Variants in VSTM4 observed in about 807,000 individuals in gnomAD.
The protein encoded by VSTM4 is V-set and transmembrane domain containing 4.
Under a neutral mutation model 36.4 loss-of-function variants are expected in VSTM4, and 20 were observed. That is an observed-to-expected ratio of 0.55 (90% CI 0.39 to 0.80). VSTM4 has a LOEUF of 0.80. VSTM4 is among the 30% of genes least tolerant of loss of function. VSTM4 has a pLI of 0.00. For synonymous variants in VSTM4, 182 were observed against 173.9 expected (o/e 1.05, Z -0.37); for missense variants, 392 against 404.5 (o/e 0.97, Z 0.26).
chr10:49,077,364 G>C (rs754573720), intron 3 of VSTM4, 38 bp from the exon 4 acceptor site: 11 of 1,595,778 alleles, frequency 6.9e-6, no homozygotes, highest in East Asian at 2.2e-5. Flanking sequence ...CAGCCTTCTG[G>C]GGGCCGCAGC....
intron 7 of VSTM4, 50 bp from the exon 8 acceptor site, chr10:49,019,825 C>T (rs1913524): frequency 0.93 from 1,467,677 of 1,580,888 alleles, 683,149 homozygotes; most frequent in East Asian, 0.96. Flanking sequence ...ACCACAGGAG[C>T]TCTACATCAC....
At chr10:49,028,932 A>G (rs565449063) in intron 7 of VSTM4, among the ~76,000 whole-genome samples, 29 of 152,246 alleles carry the variant, frequency 1.9e-4, no homozygotes, top group Non-Finnish European at 2.8e-4. Flanking sequence ...CTATTTACCC[A>G]TGAGAGAATT....
chr10:49,054,099 T>C (rs9804403), intron 5 of VSTM4, among the ~76,000 whole-genome samples: 56,855 of 152,070 alleles, frequency 0.37, 11,885 homozygotes, highest in African/African-American at 0.57. Flanking sequence ...AGAGATCAGG[T>C]CCTTCTCAAA....
chr10:49,051,344 G>A (rs533293364), intron 5 of VSTM4, among the ~76,000 whole-genome samples: 50 of 150,776 alleles, frequency 3.3e-4, no homozygotes, highest in Non-Finnish European at 4.6e-4. Flanking sequence ...TTAGCAATAT[G>A]CAATTACCCT....
At chr10:49,049,597 C>T (rs1270574187) in intron 5 of VSTM4, among the ~76,000 whole-genome samples, 2 of 152,254 alleles carry the variant, frequency 1.3e-5, no homozygotes, top group South Asian at 2.1e-4. Context: ...CTAATACATA[C>T]AGAATTTCTA....
intron 7 of VSTM4, among the ~76,000 whole-genome samples, chr10:49,020,661 G>C (rs972456022): frequency 6.8e-6 from 1 of 147,214 alleles, no homozygotes; most frequent in African/African-American, 2.5e-5. Context: ...ATTAACTCCA[G>C]GAAATCTGAA....
intron 5 of VSTM4, among the ~76,000 whole-genome samples, chr10:49,055,279 G>A (rs917510998): frequency 1.3e-5 from 2 of 152,106 alleles, no homozygotes; most frequent in African/African-American, 2.4e-5. Context: ...TTCCAGAAAC[G>A]TCCATGTATT....
intron 2 of VSTM4, among the ~76,000 whole-genome samples, chr10:49,090,981 G>T (rs1207892665): frequency 7.1e-6 from 1 of 140,784 alleles, no homozygotes; most frequent in Non-Finnish European, 1.6e-5. Flanking sequence ...GCACAGGCAT[G>T]TAGTCCCCAT....
chr10:49,111,007 G>A (rs1448765787), intron 1 of VSTM4, among the ~76,000 whole-genome samples: 1 of 152,238 alleles, frequency 6.6e-6, no homozygotes, highest in East Asian at 1.9e-4. Context: ...AAGTCTGAAA[G>A]CTTTGCTGGA....
intron 6 of VSTM4, 115 bp downstream of exon 6, chr10:49,048,363 C>T: frequency 1.1e-6 from 1 of 921,222 alleles, no homozygotes; most frequent in South Asian, 1.9e-5. Context: ...CATTAAATGT[C>T]ATGTCATATT....
intron 7 of VSTM4, among the ~76,000 whole-genome samples, chr10:49,034,534 A>C (rs767503796): frequency 2.0e-5 from 3 of 152,202 alleles, no homozygotes; most frequent in Non-Finnish European, 4.4e-5. Flanking sequence ...GAAATTCATA[A>C]ATTTAATTTT....
chr10:49,062,049 A>G (rs1843886842), intron 5 of VSTM4, among the ~76,000 whole-genome samples: 1 of 152,194 alleles, frequency 6.6e-6, no homozygotes, highest in African/African-American at 2.4e-5. Context: ...TTTGGTCATT[A>G]CAATACACAT....
At position 49,019,699 on chromosome 10, in the gene VSTM4, G is replaced by A. The variant is rs780061399; in HGVS notation, c.914C>T (p.Pro305Leu). 9 of 1,614,046 alleles carry A rather than the reference G, an allele frequency of 5.6e-6. No homozygotes were observed. In the South Asian group the frequency reaches 8.8e-5, roughly 16 times the overall value. ...IKPHRAAKGA[P>L]TSTVYAQILF... ...GATCTGGGCGTAGACAGTGCTGGTGGGGGCGCCTTTGGCAGCCCGGTGGGG... is the reference window on the plus strand; with the variant it reads ...GATCTGGGCGTAGACAGTGCTGGTGAGGGCGCCTTTGGCAGCCCGGTGGGG... Residue 305 changes from proline (P) to leucine (L), a missense_variant, in exon 8 of 8, where the codon CCC becomes CTC. Coordinates refer to ENST00000332853, the MANE Select transcript of VSTM4 (RefSeq NM_001031746.5).
At chr10:49,095,993 C>T (rs535153623) in intron 2 of VSTM4, among the ~76,000 whole-genome samples, 1 of 152,228 alleles carries the variant, frequency 6.6e-6, no homozygotes, top group East Asian at 1.9e-4. Context: ...AGGGTAGGTA[C>T]GATGAAGAAT....
intron 2 of VSTM4, among the ~76,000 whole-genome samples, chr10:49,090,474 C>A (rs1269146027): frequency 2.0e-5 from 3 of 152,190 alleles, no homozygotes; most frequent in African/African-American, 7.2e-5. Context: ...GTGAGCCAGA[C>A]AATGGTCCTA....
intron 5 of VSTM4, among the ~76,000 whole-genome samples, chr10:49,050,983 C>T (rs1371649535): frequency 2.0e-5 from 3 of 152,172 alleles, no homozygotes; most frequent in Admixed American, 6.5e-5. Flanking sequence ...CATGCACAGC[C>T]TCCCCCATGA....
Position 49,077,318 on chromosome 10 carries a change from CAT to C in VSTM4, c.533_534del (p.Tyr178CysfsTer28), listed in dbSNP as rs1564585159. ...KETWAFFEDLYVYAVLVCCVG... is the reference protein window; with the variant it reads ...KETWAFFEDLXVYAVLVCCVG... ...ACGCAGCACACGAGGACAGCATACA[CAT>C]AGAGATCTGAAAGGCAAGGACAGAC... On this transcript the variant is annotated frameshift_variant, in exon 4 of 8. Transcript: ENST00000332853. LOFTEE classifies it high-confidence loss of function. 6.2e-7 allele frequency: 1 copy of C among 1,614,192 alleles called. No homozygotes were observed. The highest frequency in any genetic ancestry group is 8.5e-7 in the Non-Finnish European group (1 of 1,180,030).
At chr10:49,068,669 G>A (rs374268237) in intron 4 of VSTM4, among the ~76,000 whole-genome samples, 18 of 152,134 alleles carry the variant, frequency 1.2e-4, no homozygotes, top group African/African-American at 3.6e-4. Flanking sequence ...AATATTTACC[G>A]AAGTGTGCCA....
At chr10:49,089,156 G>T (rs1844427384) in intron 2 of VSTM4, among the ~76,000 whole-genome samples, 1 of 152,134 alleles carries the variant, frequency 6.6e-6, no homozygotes, top group Non-Finnish European at 1.5e-5. Flanking sequence ...TGTAAAATGG[G>T]GATGATGAGA....
Sources: allele counts gnomAD v4.1 joint callset (sites outside exome capture counted in the v4.1 genomes callset), GRCh38; gene constraint gnomAD v4.1.1; transcripts MANE v1.5; gene names NCBI Gene and HGNC (gene_info 2026-07-23, HGNC 2026-07-21).